The following KLHL4 variants were observed in gnomAD, a reference collection of about 807,000 sequenced individuals.
The protein encoded by KLHL4 is kelch like family member 4.
In KLHL4, 17 loss-of-function variants were observed where a neutral mutation model predicts 45.8. That is an observed-to-expected ratio of 0.37 (90% CI 0.25 to 0.56). KLHL4 has a LOEUF of 0.56. KLHL4 is among the 20% of genes least tolerant of loss of function. The pLI is 0.79. For missense variants in KLHL4, 544 were observed against 544.9 expected, an observed-to-expected ratio of 1.00 and a Z score of 0.02; for synonymous variants, 224 against 189.9, an observed-to-expected ratio of 1.18 and a Z score of -1.47.
At chrX:87,567,379 T>G (rs1932236969) in intron 1 of KLHL4, among the ~76,000 whole-genome samples, 1 of 111,863 alleles carries the variant, frequency 8.9e-6, no homozygotes, top group African/African-American at 3.2e-5. Flanking sequence ...ATAAAGTATG[T>G]AAAACAATGC....
At chrX:87,539,335 A>G (rs1042715722) in intron 1 of KLHL4, among the ~76,000 whole-genome samples, 3 of 110,711 alleles carry the variant, frequency 2.7e-5, no homozygotes, top group Non-Finnish European at 5.7e-5. Flanking sequence ...TCACTATTTT[A>G]AAATAAAAAA....
intron 1 of KLHL4, among the ~76,000 whole-genome samples, chrX:87,569,466 A>G (rs150600748): frequency 0.015 from 1,616 of 111,367 alleles, 28 homozygotes; most frequent in African/African-American, 0.049. Context: ...TTTCACTCCT[A>G]GGTATATACT....
intron 7 of KLHL4, 40 bp downstream of exon 7, chrX:87,632,474 T>C (rs775524873): frequency 1.1e-6 from 1 of 918,517 alleles, no homozygotes; most frequent in South Asian, 2.8e-5. Flanking sequence ...GAATGTATAG[T>C]AAGTAGAGTT....
intron 9 of KLHL4, among the ~76,000 whole-genome samples, chrX:87,658,544 C>T (rs903011744): frequency 1.7e-4 from 19 of 111,198 alleles, no homozygotes; most frequent in African/African-American, 6.2e-4. Context: ...CCTAGATTAC[C>T]CAGCTCCCCA....
intron 9 of KLHL4, among the ~76,000 whole-genome samples, chrX:87,640,300 C>T (rs1923410448): frequency 9.0e-6 from 1 of 111,294 alleles, no homozygotes; most frequent in African/African-American, 3.3e-5. Context: ...AAAACTATTC[C>T]AAAAGATAGA....
intron 1 of KLHL4, among the ~76,000 whole-genome samples, chrX:87,598,898 GAAATATTTT>G (rs1348031701): frequency 1.8e-5 from 2 of 110,442 alleles, no homozygotes; most frequent in Non-Finnish European, 3.8e-5. Context: ...AGTGAGTCCT[GAAATATTTT>G]ATGCAATGGA....
chrX:87,638,275 G>T (rs774229604), intron 9 of KLHL4, among the ~76,000 whole-genome samples: 40 of 111,821 alleles, frequency 3.6e-4, no homozygotes, highest in Non-Finnish European at 7.2e-4. Flanking sequence ...ATATTTGAGG[G>T]GATAATCAAG....
chrX:87,544,496 T>C (rs1477399467), intron 1 of KLHL4, among the ~76,000 whole-genome samples: 4 of 111,431 alleles, frequency 3.6e-5, no homozygotes, highest in African/African-American at 1.3e-4. Flanking sequence ...GCAGGCCGTG[T>C]GTGAAACCCA....
intron 1 of KLHL4, among the ~76,000 whole-genome samples, chrX:87,552,002 A>G (rs1046540151): frequency 9.0e-6 from 1 of 111,540 alleles, no homozygotes; most frequent in Non-Finnish European, 1.9e-5. Context: ...CATGGATTTC[A>G]TGATCAAGAA....
intron 1 of KLHL4, among the ~76,000 whole-genome samples, chrX:87,578,402 G>A (rs1206050999): frequency 1.8e-5 from 2 of 111,488 alleles, no homozygotes; most frequent in Non-Finnish European, 3.8e-5. Context: ...GCCTTATCTA[G>A]ATTTTGGTAA....
chrX:87,557,184 A>T (rs1186161437), intron 1 of KLHL4, among the ~76,000 whole-genome samples: 1 of 112,322 alleles, frequency 8.9e-6, no homozygotes, highest in Non-Finnish European at 1.9e-5. Context: ...TTTTTCAATC[A>T]AGATCTATGA....
chrX:87,659,812 C>T (rs1924126867), intron 9 of KLHL4, among the ~76,000 whole-genome samples: 1 of 111,274 alleles, frequency 9.0e-6, no homozygotes, highest in African/African-American at 3.3e-5. Context: ...TACACCTTCC[C>T]AGTCTTTCAG....
chrX:87,657,346 G>A (rs1317783079), intron 9 of KLHL4, among the ~76,000 whole-genome samples: 1 of 112,177 alleles, frequency 8.9e-6, no homozygotes, highest in Non-Finnish European at 1.9e-5. Context: ...GACCAGCTGG[G>A]GCCACCCTCA....
chrX:87,603,907 T>A (rs772558123), intron 1 of KLHL4, among the ~76,000 whole-genome samples: 4 of 109,793 alleles, frequency 3.6e-5, no homozygotes, highest in Non-Finnish European at 7.6e-5. Flanking sequence ...CTTCCCAGTC[T>A]CTAGTAACCA....
At chrX:87,658,647 GCCA>G (rs1383158695) in intron 9 of KLHL4, among the ~76,000 whole-genome samples, 2 of 111,519 alleles carry the variant, frequency 1.8e-5, no homozygotes, top group Non-Finnish European at 3.8e-5. Context: ...ACAGGCTGCT[GCCA>G]CCAAATTCAT....
chrX:87,622,192 G>C lies in KLHL4; in HGVS notation c.925-19G>C, dbSNP rs1922771738. ...ATTTCTAAAGTGCAAAGTTTTAGTA[G>C]ATGACCTTTCTTTTCTAGGAACACT... On this transcript the variant is annotated intron_variant, in intron 4 of 10. Coordinates refer to ENST00000373119, the MANE Select transcript of KLHL4 (RefSeq NM_019117.5). 1 of 1,114,647 alleles carries C rather than the reference G, an allele frequency of 9.0e-7. No individual in the cohort carries two copies. The highest frequency in any genetic ancestry group is 1.2e-6 in the Non-Finnish European group (1 of 809,657). 91.9% of individuals were successfully genotyped at this position (1,114,647 alleles called of 1,213,427 possible).
At chrX:87,560,835 C>G (rs1039832818) in intron 1 of KLHL4, among the ~76,000 whole-genome samples, 3 of 111,343 alleles carry the variant, frequency 2.7e-5, no homozygotes, top group Admixed American at 9.6e-5. Context: ...ACTACAGTTT[C>G]TTTATTCAAT....
intron 1 of KLHL4, among the ~76,000 whole-genome samples, chrX:87,528,611 A>T (rs1169692825): frequency 9.7e-6 from 1 of 102,607 alleles, no homozygotes; most frequent in Non-Finnish European, 2.0e-5. Flanking sequence ...GCAACTCGAG[A>T]GGCTGAGGCA....
intron 1 of KLHL4, among the ~76,000 whole-genome samples, chrX:87,545,518 G>A (rs1176879017): frequency 9.0e-6 from 1 of 111,624 alleles, no homozygotes; most frequent in Non-Finnish European, 1.9e-5. Context: ...GTTTCTTGAG[G>A]TCTTCCCAGC....
Sources: gnomAD v4.1 joint callset for allele counts (sites outside exome capture counted in the v4.1 genomes callset) on GRCh38, gnomAD v4.1.1 for gene constraint, MANE v1.5 for transcripts, NCBI Gene and HGNC (gene_info 2026-07-23, HGNC 2026-07-21) for gene names.